The following CRHBP variants were observed in gnomAD, a reference collection of about 807,000 sequenced individuals.
CRHBP encodes corticotropin-releasing hormone-binding protein.
A neutral mutation model predicts 34.9 loss-of-function variants in CRHBP; 19 were observed. The ratio of observed to expected loss-of-function variants is 0.55; its 90% CI spans 0.38 to 0.80. The LOEUF (loss-of-function observed/expected upper bound fraction) is 0.80. Ranked by LOEUF, CRHBP falls within the 30% of genes least tolerant of loss-of-function variation. CRHBP has a pLI of 0.00. For synonymous variants in CRHBP, 154 were observed against 153.4 expected, an observed-to-expected ratio of 1.00 and a Z score of -0.03; for missense variants, 328 against 409.2, an observed-to-expected ratio of 0.80 and a Z score of 1.71.
intron 5 of CRHBP, among the ~76,000 whole-genome samples, chr5:76,961,812 G>T (rs780374675): frequency 6.6e-6 from 1 of 152,072 alleles, no homozygotes; most frequent in Non-Finnish European, 1.5e-5. Flanking sequence ...GGAGTGCAGT[G>T]ACGTGATCTT....
At chr5:76,977,043 T>C (rs1746044367) in intron 3 of CRHBP, among the ~76,000 whole-genome samples, 1 of 152,168 alleles carries the variant, frequency 6.6e-6, no homozygotes, top group Admixed American at 6.6e-5. Context: ...TTCCCTATCC[T>C]GGCCTTTCCA....
intron 6 of CRHBP, among the ~76,000 whole-genome samples, chr5:76,966,891 A>T (rs1745867518): frequency 1.3e-5 from 2 of 152,222 alleles, no homozygotes; most frequent in South Asian, 2.1e-4. Context: ...AGGACATGTT[A>T]TAAAGATTAA....
intron 3 of CRHBP, among the ~76,000 whole-genome samples, chr5:76,976,871 G>C (rs1417833886): frequency 6.6e-6 from 1 of 151,826 alleles, no homozygotes; most frequent in Non-Finnish European, 1.5e-5. Flanking sequence ...TTTTTTTCTT[G>C]AAATGGCTTT....
chr5:76,967,770 C>T (rs1035972474), intron 6 of CRHBP, among the ~76,000 whole-genome samples: 3 of 151,084 alleles, frequency 2.0e-5, no homozygotes, highest in Middle Eastern at 3.4e-3. Flanking sequence ...GTGATCTCGA[C>T]CCACCACAAC....
intron 3 of CRHBP, among the ~76,000 whole-genome samples, chr5:76,955,262 A>T (rs1745650773): frequency 1.3e-5 from 2 of 152,216 alleles, no homozygotes; most frequent in African/African-American, 4.8e-5. Context: ...TCACATTTCA[A>T]TGACTAGAGG....
chr5:76,963,827 A>G (rs986436528), intron 6 of CRHBP, among the ~76,000 whole-genome samples: 2 of 152,218 alleles, frequency 1.3e-5, no homozygotes, highest in African/African-American at 4.8e-5. Flanking sequence ...TCAATTAGTA[A>G]TAGGATAATA....
At chr5:76,971,507 C>T (rs1349778249), downstream of CRHBP, among the ~76,000 whole-genome samples, 1 of 152,198 alleles carries the variant, frequency 6.6e-6, no homozygotes, top group East Asian at 1.9e-4. Flanking sequence ...ACTGTTTCAT[C>T]CCAGGACATT....
At chr5:76,958,580 C>A in intron 4 of CRHBP, 161 bp from the exon 5 acceptor site, 1 of 690,896 alleles carries the variant, frequency 1.4e-6, no homozygotes, top group Non-Finnish European at 2.3e-6. Context: ...TTCCCCAAAT[C>A]CTTCCTGTCT....
chr5:76,960,053 G>A (rs1745752838), intron 5 of CRHBP, among the ~76,000 whole-genome samples: 1 of 152,216 alleles, frequency 6.6e-6, no homozygotes, highest in Admixed American at 6.5e-5. Flanking sequence ...GACAGGTCCT[G>A]CTCACAGGGA....
intron 6 of CRHBP, among the ~76,000 whole-genome samples, chr5:76,966,900 A>G (rs1745867685): frequency 6.6e-6 from 1 of 152,246 alleles, no homozygotes; most frequent in Admixed American, 6.5e-5. Context: ...TATAAAGATT[A>G]AAGTCCAGAG....
intron 6 of CRHBP, among the ~76,000 whole-genome samples, chr5:76,964,251 A>T (rs1253718481): frequency 6.6e-6 from 1 of 152,192 alleles, no homozygotes; most frequent in Non-Finnish European, 1.5e-5. Context: ...CAGACACAGG[A>T]GTCCTAGATT....
chr5:76,963,390 G>C lies in CRHBP; in HGVS notation c.741G>C (p.Leu247=). ...CEGIGDFVEL[L]GGTGLDPSKM... ...GAATAGGAGACTTTGTGGAGCTGCT[G>C]GGAGGAACTGGATTGGACCCTTCCA... The change falls in exon 6 of 7, where the codon CTG becomes CTC. Residue 247 remains leucine, a synonymous_variant. Coordinates refer to ENST00000274368, the MANE Select transcript of CRHBP (RefSeq NM_001882.4). The C allele has an allele frequency of 6.2e-7, 1 of 1,614,148 alleles. No homozygotes were observed. The highest frequency in any genetic ancestry group is 8.5e-7 in the Non-Finnish European group (1 of 1,180,024).
rs1745659854 is a variant in CRHBP at position 76,955,819 on chromosome 5, G to A, written c.500G>A (p.Gly167Glu). 6.2e-7 allele frequency: 1 copy of A among 1,614,050 alleles called. No individual in the cohort carries two copies. The highest frequency in any genetic ancestry group is 1.7e-5 in the Admixed American group (1 of 60,006). The change falls in exon 4 of 7, where the codon GGA becomes GAA. Residue 167 changes from glycine to glutamate, a missense_variant. Coordinates refer to ENST00000274368, the MANE Select transcript of CRHBP (RefSeq NM_001882.4). The stretch of plus-strand genomic sequence containing the variant: ...ATCTTCTTCCGAGTCCATGAACCAG[G>A]AAATGGATTCACATTAACCATAAAG... ...AMIFFRVHEPGNGFTLTIKTD... is the reference protein window; with the variant it reads ...AMIFFRVHEPENGFTLTIKTD...
intron 5 of CRHBP, among the ~76,000 whole-genome samples, chr5:76,960,680 C>T (rs1430040606): frequency 6.6e-6 from 1 of 151,994 alleles, no homozygotes; most frequent in African/African-American, 2.4e-5. Flanking sequence ...AAACCAAAAC[C>T]AAAAAACCTT....
At chr5:76,973,742 T>C (rs988149386), downstream of CRHBP, among the ~76,000 whole-genome samples, 1 of 152,206 alleles carries the variant, frequency 6.6e-6, no homozygotes, top group African/African-American at 2.4e-5. Flanking sequence ...CATGTTTGAC[T>C]CAGGACAAAT....
chr5:76,953,073 T>G lies in CRHBP; in HGVS notation c.-62T>G, dbSNP rs1745594050. On this transcript the variant is annotated 5_prime_UTR_variant, in exon 1 of 7. Coordinates refer to ENST00000274368, the MANE Select transcript of CRHBP (RefSeq NM_001882.4). ...TTCTAGCTCTCAGTCTGCGCGAGGG[T>G]GTAGGAAGGAAAGCCCAGGACCTCC... 6.5e-7 allele frequency: 1 copy of G among 1,532,730 alleles called. No individual in the cohort carries two copies. The highest frequency in any genetic ancestry group is 9.0e-7 in the Non-Finnish European group (1 of 1,106,538). 94.9% of individuals were successfully genotyped at this position (1,532,730 alleles called of 1,614,324 possible). A position where few individuals can be genotyped will look rare whatever the true frequency, so the allele number is the denominator to read the frequency against.
At chr5:76,953,797 CGGAACCGCCAG>C in intron 2 of CRHBP, 103 bp downstream of exon 2, 2 of 1,320,470 alleles carry the variant, frequency 1.5e-6, no homozygotes, top group Non-Finnish European at 2.1e-6. Flanking sequence ...AGGGGCTGGC[CGGAACCGCCAG>C]GGGCGCGGTC....
chr5:76,958,962 G>A, intron 5 of CRHBP, 73 bp downstream of exon 5: 2 of 1,501,644 alleles, frequency 1.3e-6, no homozygotes, highest in South Asian at 1.3e-5. Context: ...ATCATATAGG[G>A]AAAACCTGGA....
chr5:76,976,153 G>T (rs1243121558), intron 2 of CRHBP, among the ~76,000 whole-genome samples: 1 of 151,590 alleles, frequency 6.6e-6, no homozygotes, highest in Non-Finnish European at 1.5e-5. Context: ...ACATCAAAGA[G>T]ATCTCTCTAA....
Sources: gnomAD v4.1 joint callset for allele counts (sites outside exome capture counted in the v4.1 genomes callset) on GRCh38, gnomAD v4.1.1 for gene constraint, MANE v1.5 for transcripts, NCBI Gene and HGNC (gene_info 2026-07-23, HGNC 2026-07-21) for gene names.